The following CNBD1 variants were observed in gnomAD, a reference collection of about 807,000 sequenced individuals.
CNBD1 encodes cyclic nucleotide-binding domain-containing protein 1.
A neutral mutation model predicts 54.4 loss-of-function variants in CNBD1; 71 were observed. The observed-to-expected ratio is 1.30, with a 90% CI of 1.08 to 1.59. The LOEUF (loss-of-function observed/expected upper bound fraction) is 1.59. Ranked by LOEUF, CNBD1 falls within the 40% of genes most tolerant of loss-of-function variation. The pLI, the probability that CNBD1 is intolerant of heterozygous loss-of-function variation, is 0.00. For missense variants in CNBD1, 659 were observed against 518.0 expected, an observed-to-expected ratio of 1.27 and a Z score of -2.64; for synonymous variants, 182 against 170.7, an observed-to-expected ratio of 1.07 and a Z score of -0.51.
At chr8:86,924,454 T>A (rs964534509) in intron 3 of CNBD1, among the ~76,000 whole-genome samples, 1 of 152,098 alleles carries the variant, frequency 6.6e-6, no homozygotes, top group African/African-American at 2.4e-5. Flanking sequence ...AAATCAAAGA[T>A]CCGTTAAAAT....
At chr8:87,330,671 T>G (rs1294150022) in intron 8 of CNBD1, among the ~76,000 whole-genome samples, 2 of 152,154 alleles carry the variant, frequency 1.3e-5, no homozygotes, top group African/African-American at 4.8e-5. Context: ...TTTCTTTTCT[T>G]TCACATTTTT....
intron 10 of CNBD1, among the ~76,000 whole-genome samples, chr8:87,359,004 G>T (rs768317457): frequency 6.6e-6 from 1 of 152,120 alleles, no homozygotes; most frequent in Non-Finnish European, 1.5e-5. Context: ...TGATTCAAAT[G>T]CTAATCTCTC....
intron 5 of CNBD1, among the ~76,000 whole-genome samples, chr8:87,224,818 G>A (rs1457996458): frequency 1.3e-5 from 2 of 150,414 alleles, no homozygotes; most frequent in Admixed American, 6.6e-5. Context: ...CATTGAATCT[G>A]TAAATTACCT....
chr8:87,421,307 G>T (rs1440019384), intron 2 of CNBD1, among the ~76,000 whole-genome samples: 2 of 149,758 alleles, frequency 1.3e-5, no homozygotes. Flanking sequence ...AAGTTTTAGG[G>T]TACATGTGCA....
chr8:87,064,526 T>C (rs1459734742), intron 4 of CNBD1, among the ~76,000 whole-genome samples: 3 of 151,926 alleles, frequency 2.0e-5, no homozygotes, highest in Admixed American at 2.0e-4. Flanking sequence ...AATTTTTTTA[T>C]ATTTTAAAAT....
At chr8:86,923,916 A>T (rs1330363270) in intron 3 of CNBD1, among the ~76,000 whole-genome samples, 1 of 152,192 alleles carries the variant, frequency 6.6e-6, no homozygotes, top group Non-Finnish European at 1.5e-5. Flanking sequence ...ATGGGACTGT[A>T]TCAAGACCCT....
intron 1 of CNBD1, among the ~76,000 whole-genome samples, chr8:86,869,641 C>A (rs1050130795): frequency 6.6e-6 from 1 of 152,072 alleles, no homozygotes; most frequent in Non-Finnish European, 1.5e-5. Flanking sequence ...AGTTTGCTAA[C>A]CTTAAGGGAG....
chr8:87,305,373 C>G (rs1324366082), intron 8 of CNBD1, among the ~76,000 whole-genome samples: 1 of 152,028 alleles, frequency 6.6e-6, no homozygotes, highest in African/African-American at 2.4e-5. Context: ...ATCAAAATAC[C>G]ACCATCATTC....
At chr8:87,374,002 T>A (rs1810873010) in intron 10 of CNBD1, among the ~76,000 whole-genome samples, 1 of 151,792 alleles carries the variant, frequency 6.6e-6, no homozygotes, top group African/African-American at 2.4e-5. Flanking sequence ...CAGCTACTGG[T>A]AATTACAACT....
In CNBD1 at chr8:87,044,701, T is replaced by C. The variant is rs541230460; in HGVS notation, c.431+104947T>C. 2.0e-5 allele frequency: 3 copies of C among 152,298 alleles called. No individual in the cohort carries two copies. In the South Asian group the frequency reaches 6.2e-4, roughly 32 times the overall value. The allele number at this position is 152,298 out of a possible 1,614,324, so 9.4% of individuals were successfully genotyped here. A position where few individuals can be genotyped will look rare whatever the true frequency, so the allele number is the denominator to read the frequency against. ...GCATAGCTTTTCTTGTTTATATAAT[T>C]GTGGGTTTGTTTTAGGTCAGTTCCC... On this transcript the variant is annotated intron_variant, in intron 4 of 10. Coordinates refer to ENST00000518476, the MANE Select transcript of CNBD1 (RefSeq NM_173538.3).
chr8:87,259,604 A>G (rs951595063), intron 6 of CNBD1, among the ~76,000 whole-genome samples: 2 of 152,192 alleles, frequency 1.3e-5, no homozygotes, highest in African/African-American at 4.8e-5. Context: ...ACTTTTTTAT[A>G]TAAACATTAC....
rs546363267 is a variant in CNBD1 at position 87,027,722 on chromosome 8, C to T, written c.431+87968C>T. Among the ~76,000 whole-genome samples the T allele has an allele frequency of 4.6e-5, 7 of 152,306 alleles. No individual in the cohort carries two copies. In the East Asian group the frequency reaches 1.2e-3, roughly 25 times the overall value. On this transcript the variant is annotated intron_variant, in intron 4 of 10. Transcript: ENST00000518476. ...ATAAAAGCCTAAATACACGGGACTCCGTCCCACTTTCTCATTCAACAGCAA... is the reference window on the plus strand; with the variant it reads ...ATAAAAGCCTAAATACACGGGACTCTGTCCCACTTTCTCATTCAACAGCAA...
At chr8:87,309,494 A>T (rs1303741672) in intron 8 of CNBD1, among the ~76,000 whole-genome samples, 1 of 152,122 alleles carries the variant, frequency 6.6e-6, no homozygotes, top group East Asian at 1.9e-4. Flanking sequence ...TCTATTTATA[A>T]CTGCCTTCAT....
intron 3 of CNBD1, among the ~76,000 whole-genome samples, chr8:86,908,093 A>G (rs1402684329): frequency 6.6e-6 from 1 of 152,200 alleles, no homozygotes; most frequent in African/African-American, 2.4e-5. Flanking sequence ...TTGAAGGAAG[A>G]CAGTCATGTT....
intron 6 of CNBD1, among the ~76,000 whole-genome samples, chr8:87,282,394 G>A (rs1306487321): frequency 3.3e-5 from 5 of 151,316 alleles, no homozygotes; most frequent in Non-Finnish European, 5.9e-5. Context: ...ATTCAGTATT[G>A]TTCTAGCTGA....
Position 87,087,293 on chromosome 8 carries a change from T to A in CNBD1, c.432-118700T>A, listed in dbSNP as rs543284034. On this transcript the variant is annotated intron_variant, in intron 4 of 10. Transcript: ENST00000518476. ...TATATACGTATATATATATATATAT[T>A]TTTTATTGCCCAATACATATAAAAC... 1.4e-3 allele frequency among the ~76,000 whole-genome samples: 198 copies of A among 144,344 alleles called. 1 individual carries two copies. Among genetic ancestry groups the A allele is most frequent in the South Asian group, 8.9e-3 (41 of 4,608 alleles). 94.7% of individuals were successfully genotyped at this position (144,344 alleles called of 152,430 possible). A position where few individuals can be genotyped will look rare whatever the true frequency, so the allele number is the denominator to read the frequency against.
chr8:87,113,533 G>A (rs1196731503), intron 4 of CNBD1, among the ~76,000 whole-genome samples: 1 of 152,190 alleles, frequency 6.6e-6, no homozygotes, highest in African/African-American at 2.4e-5. Context: ...GACAAAGAAA[G>A]TAGAACTTGG....
In CNBD1 at chr8:87,114,615, G is replaced by T. The variant is rs111859926; in HGVS notation, c.432-91378G>T. Among the ~76,000 whole-genome samples the T allele has an allele frequency of 2.6e-3, 401 of 152,236 alleles. 3 individuals are homozygous for T. Among genetic ancestry groups the T allele is most frequent in the African/African-American group, 9.3e-3 (386 of 41,520 alleles). On this transcript the variant is annotated intron_variant, in intron 4 of 10. Transcript: ENST00000518476. ...ACCGCCCAGTGTGGCCTCCCAAATTGCTGGGATTACAGGCATGACCCATTG... is the reference window on the plus strand; with the variant it reads ...ACCGCCCAGTGTGGCCTCCCAAATTTCTGGGATTACAGGCATGACCCATTG...
intron 2 of CNBD1, among the ~76,000 whole-genome samples, chr8:87,412,746 T>C (rs1807769439): frequency 6.6e-6 from 1 of 152,144 alleles, no homozygotes; most frequent in African/African-American, 2.4e-5. Flanking sequence ...CATGTACTTT[T>C]CCGAAGAAGA....
Sources: gnomAD v4.1 joint callset for allele counts (sites outside exome capture counted in the v4.1 genomes callset) on GRCh38, gnomAD v4.1.1 for gene constraint, MANE v1.5 for transcripts, NCBI Gene and HGNC (gene_info 2026-07-23, HGNC 2026-07-21) for gene names.